Variants in ABLIM2 observed in about 807,000 individuals in gnomAD.
The protein encoded by ABLIM2 is actin binding LIM protein family member 2.
ABLIM2 carries 53 observed loss-of-function variants against 97.7 expected under a neutral mutation model. The observed-to-expected ratio is 0.54, with a 90% CI of 0.44 to 0.68. The LOEUF (loss-of-function observed/expected upper bound fraction) is 0.68. Ranked by LOEUF, ABLIM2 falls within the 30% of genes least tolerant of loss-of-function variation. ABLIM2 has a pLI of 0.00. For missense variants in ABLIM2, 835 were observed against 867.2 expected (o/e 0.96, Z 0.47); for synonymous variants, 361 against 345.8 (o/e 1.04, Z -0.49).
chr4:8,015,427 G>C lies in ABLIM2; in HGVS notation c.1423+4191C>G, dbSNP rs529510018. 2.2e-4 allele frequency among the ~76,000 whole-genome samples: 34 copies of C among 152,088 alleles called. No individual in the cohort carries two copies. The Middle Eastern group carries it at 0.017, about 77-fold the overall frequency. ...GCTTCCCAGTGCAATCCGCACTCTG[G>C]ACACAGCCTGCCGTTCCTCCCCATC... On this transcript the variant is annotated intron_variant, in intron 14 of 20. Transcript: ENST00000447017. This position sits in a 1 kb window ranked among gnomAD's most constrained non-coding sequence, Gnocchi z 4.6.
At chr4:8,031,641 C>T (rs1780976163) in intron 10 of ABLIM2, among the ~76,000 whole-genome samples, 1 of 152,286 alleles carries the variant, frequency 6.6e-6, no homozygotes, top group South Asian at 2.1e-4. Context: ...ATGTGACTTC[C>T]CTGTGCCTCA....
chr4:8,013,975 T>A (rs1766910050), intron 14 of ABLIM2, among the ~76,000 whole-genome samples: 1 of 152,144 alleles, frequency 6.6e-6, no homozygotes, highest in Non-Finnish European at 1.5e-5. Flanking sequence ...AGCTCTAACC[T>A]CCAAGGATCT....
At chr4:8,052,232 C>T (rs57007308) in intron 8 of ABLIM2, among the ~76,000 whole-genome samples, 12,145 of 152,196 alleles carry the variant, frequency 0.08, 1,317 homozygotes, top group African/African-American at 0.25. Context: ...GTGGCCTTGG[C>T]GTGAGAGGCT....
In ABLIM2 at chr4:8,057,627, C is replaced by A. The variant is rs1425800473; in HGVS notation, c.763+3340G>T. Among the ~76,000 whole-genome samples, 3 of 152,216 alleles carry A rather than the reference C, an allele frequency of 2.0e-5. 1 individual carries two copies. The highest frequency in any genetic ancestry group is 4.2e-4 in the South Asian group (2 of 4,816). ...CACACTTCCTTTTTATCTTTTCACC[C>A]CAGTGGGAAAAAGGAGTATCTCATT... On this transcript the variant is annotated intron_variant, in intron 7 of 20. Transcript: ENST00000447017.
chr4:8,125,026 A>T lies in ABLIM2; in HGVS notation c.11-18389T>A, dbSNP rs1443343481. Among the ~76,000 whole-genome samples the T allele has an allele frequency of 6.6e-6, 1 of 152,166 alleles. No homozygotes were observed. Among genetic ancestry groups the T allele is most frequent in the East Asian group, 1.9e-4 (1 of 5,192 alleles). On this transcript the variant is annotated intron_variant, in intron 1 of 20. Coordinates refer to ENST00000447017, the MANE Select transcript of ABLIM2 (RefSeq NM_001130083.2). The surrounding 1 kb of genome is among the most constrained non-coding windows in gnomAD (Gnocchi z 6.2). ...TTCTCCCTCTGGGAGTCTTCTTTGTAAAAATGTCGATGCAGATGCTTTGCC... is the reference window on the plus strand; with the variant it reads ...TTCTCCCTCTGGGAGTCTTCTTTGTTAAAATGTCGATGCAGATGCTTTGCC...
At position 8,149,294 on chromosome 4, in the gene ABLIM2, T is replaced by C. The variant is rs1711752269; in HGVS notation, c.10+9386A>G. Reference sequence around the variant, plus strand: ...GCAAAATCCTTCACATAGTCGCATATGAACAGTCATTTTGCCGCATGAGGT... The same window carrying C: ...GCAAAATCCTTCACATAGTCGCATACGAACAGTCATTTTGCCGCATGAGGT... On this transcript the variant is annotated intron_variant, in intron 1 of 20. Coordinates refer to ENST00000447017, the MANE Select transcript of ABLIM2 (RefSeq NM_001130083.2). The surrounding 1 kb of genome is among the most constrained non-coding windows in gnomAD (Gnocchi z 6.4). Among the ~76,000 whole-genome samples the C allele has an allele frequency of 6.6e-6, 1 of 152,150 alleles. No individual in the cohort carries two copies. Among genetic ancestry groups the C allele is most frequent in the African/African-American group, 2.4e-5 (1 of 41,434 alleles).
At chr4:8,114,890 G>A (rs918792143) in intron 1 of ABLIM2, among the ~76,000 whole-genome samples, 6 of 152,220 alleles carry the variant, frequency 3.9e-5, no homozygotes, top group African/African-American at 1.2e-4. Flanking sequence ...CAGGCCCAGG[G>A]ACACTCCTCC....
Position 8,127,556 on chromosome 4 carries a change from C to A in ABLIM2, c.11-20919G>T. On this transcript the variant is annotated intron_variant, in intron 1 of 20. Transcript: ENST00000447017. This position sits in a 1 kb window ranked among gnomAD's most constrained non-coding sequence, Gnocchi z 7.3. ...CAGTTTGGGGATTTACCTGTGTCTC[C>A]CCCTGGCACCCCCATGGAGCGTGGC... is the stretch of plus-strand genomic sequence containing the variant. 1 of 1,289,748 alleles carries A rather than the reference C, an allele frequency of 7.8e-7. No homozygotes were observed. The highest frequency in any genetic ancestry group is 1.0e-6 in the Non-Finnish European group (1 of 988,838). The allele number at this position is 1,289,748 out of a possible 1,614,324, so 79.9% of individuals were successfully genotyped here. A position where few individuals can be genotyped will look rare whatever the true frequency, so the allele number is the denominator to read the frequency against.
intron 3 of ABLIM2, among the ~76,000 whole-genome samples, chr4:8,092,789 TG>T (rs1416495111): frequency 1.3e-5 from 2 of 152,242 alleles, no homozygotes; most frequent in Non-Finnish European, 2.9e-5. Flanking sequence ...CTCTGTTGAT[TG>T]AGCCCTGCCT....
At chr4:7,991,131 T>C (rs919184369) in intron 17 of ABLIM2, among the ~76,000 whole-genome samples, 1 of 152,126 alleles carries the variant, frequency 6.6e-6, no homozygotes, top group African/African-American at 2.4e-5. Flanking sequence ...GGAGAGGGAG[T>C]GAGGACCATC....
chr4:8,134,765 C>A (rs1849945884), intron 1 of ABLIM2, among the ~76,000 whole-genome samples: 1 of 152,208 alleles, frequency 6.6e-6, no homozygotes, highest in Non-Finnish European at 1.5e-5. Context: ...GGACTTGTGC[C>A]CTTTTGGTAC....
intron 1 of ABLIM2, among the ~76,000 whole-genome samples, chr4:8,135,261 C>A (rs1326520212): frequency 6.6e-6 from 1 of 152,200 alleles, no homozygotes; most frequent in African/African-American, 2.4e-5. Flanking sequence ...AAAAGGTAAG[C>A]AAATACCCGC....
Position 8,019,322 on chromosome 4 carries a change from G to A in ABLIM2, c.1423+296C>T, listed in dbSNP as rs890759570. On this transcript the variant is annotated intron_variant, in intron 14 of 20. Coordinates refer to ENST00000447017, the MANE Select transcript of ABLIM2 (RefSeq NM_001130083.2). The surrounding 1 kb of genome is among the most constrained non-coding windows in gnomAD (Gnocchi z 4.3). ...TCTCTCTGGCTGCATAATTGAAGGC[G>A]CCACCACCAGGCTCTTGGCTATAAA... Among the ~76,000 whole-genome samples the A allele has an allele frequency of 6.6e-6, 1 of 152,118 alleles. No individual in the cohort carries two copies. The highest frequency in any genetic ancestry group is 2.4e-5 in the African/African-American group (1 of 41,420).
Position 8,005,804 on chromosome 4 carries a change from C to T in ABLIM2, c.1618+2255G>A, listed in dbSNP as rs562068675. On this transcript the variant is annotated intron_variant, in intron 16 of 20. Coordinates refer to ENST00000447017, the MANE Select transcript of ABLIM2 (RefSeq NM_001130083.2). This position sits in a 1 kb window ranked among gnomAD's most constrained non-coding sequence, Gnocchi z 4.9. ...TGGATGTTAGCACACCAGGAGAAAG[C>T]GAAGGAAGGACAGCATCATAGCCAC... Among the ~76,000 whole-genome samples the T allele has an allele frequency of 3.3e-5, 5 of 152,318 alleles. No individual in the cohort carries two copies. The highest frequency in any genetic ancestry group is 1.9e-4 in the East Asian group (1 of 5,188).
Position 8,002,966 on chromosome 4 carries a change from G to T in ABLIM2, c.1618+5093C>A, listed in dbSNP as rs967828672. ...GCCCTCTCTAGCCCTCTTAGCACAG[G>T]GCACTGATATAACTCACTTTCAGCT... On this transcript the variant is annotated intron_variant, in intron 16 of 20. Coordinates refer to ENST00000447017, the MANE Select transcript of ABLIM2 (RefSeq NM_001130083.2). The surrounding 1 kb of genome is among the most constrained non-coding windows in gnomAD (Gnocchi z 6.1). Among the ~76,000 whole-genome samples the T allele has an allele frequency of 2.0e-5, 3 of 152,154 alleles. No individual in the cohort carries two copies. Among genetic ancestry groups the T allele is most frequent in the African/African-American group, 7.2e-5 (3 of 41,418 alleles).
At chr4:7,978,239 G>C (rs961580117) in intron 20 of ABLIM2, among the ~76,000 whole-genome samples, 1 of 152,188 alleles carries the variant, frequency 6.6e-6, no homozygotes, top group African/African-American at 2.4e-5. Flanking sequence ...GCTGAGAAAA[G>C]AGGGGCATTC....
intron 1 of ABLIM2, among the ~76,000 whole-genome samples, chr4:8,144,401 G>C (rs551549911): frequency 2.6e-5 from 4 of 152,360 alleles, no homozygotes; most frequent in South Asian, 2.1e-4. Flanking sequence ...CAGGGCCGCC[G>C]CTGGGGGACT....
chr4:8,136,406 G>A (rs1231842829), intron 1 of ABLIM2, among the ~76,000 whole-genome samples: 1 of 152,210 alleles, frequency 6.6e-6, no homozygotes, highest in South Asian at 2.1e-4. Flanking sequence ...CCACAGGATG[G>A]CACACTTAAG....
In ABLIM2 at chr4:8,127,944, G is replaced by A. The variant is rs1488267711; in HGVS notation, c.11-21307C>T. On this transcript the variant is annotated intron_variant, in intron 1 of 20. Coordinates refer to ENST00000447017, the MANE Select transcript of ABLIM2 (RefSeq NM_001130083.2). This position sits in a 1 kb window ranked among gnomAD's most constrained non-coding sequence, Gnocchi z 7.3. ...GAGCTCACAACCCCCACAGCCCCGCGTGCTGGGAGTGACAGCCTGCACCAG... is the reference window on the plus strand; with the variant it reads ...GAGCTCACAACCCCCACAGCCCCGCATGCTGGGAGTGACAGCCTGCACCAG... 3.3e-5 allele frequency among the ~76,000 whole-genome samples: 5 copies of A among 152,174 alleles called. No individual in the cohort carries two copies. The highest frequency in any genetic ancestry group is 4.8e-5 in the African/African-American group (2 of 41,448).
Sources: allele counts gnomAD v4.1 joint callset (sites outside exome capture counted in the v4.1 genomes callset), GRCh38; gene constraint gnomAD v4.1.1; non-coding constraint Gnocchi (gnomAD v3.1); transcripts MANE v1.5; gene names NCBI Gene and HGNC (gene_info 2026-07-23, HGNC 2026-07-21).